Variants in SYTL5 observed in about 807,000 individuals in gnomAD.
SYTL5 encodes the protein synaptotagmin-like protein 5.
A neutral mutation model predicts 55.9 loss-of-function variants in SYTL5; 34 were observed. The ratio of observed to expected loss-of-function variants is 0.61; its 90% CI spans 0.46 to 0.81. The LOEUF (loss-of-function observed/expected upper bound fraction) is 0.81. Ranked by LOEUF, SYTL5 falls within the 30% of genes least tolerant of loss-of-function variation. SYTL5 has a pLI of 0.00. For missense variants in SYTL5, 637 were observed against 546.7 expected (o/e 1.17, Z -1.65); for synonymous variants, 221 against 188.7 (o/e 1.17, Z -1.40).
At chrX:38,072,360 A>G (rs368428346) in intron 4 of SYTL5, among the ~76,000 whole-genome samples, 198 bp downstream of exon 4, 10 of 112,101 alleles carry the variant, frequency 8.9e-5, no homozygotes, top group African/African-American at 2.9e-4. Context: ...AAAATTCACA[A>G]TGATTTTCCA....
intron 12 of SYTL5, among the ~76,000 whole-genome samples, chrX:38,109,165 A>C (rs1340321882): frequency 1.8e-5 from 2 of 112,434 alleles, no homozygotes; most frequent in Non-Finnish European, 3.8e-5. Flanking sequence ...GTTAATGAAT[A>C]GTGGAAATGC....
At chrX:38,093,340 C>T (rs1481296843) in intron 7 of SYTL5, among the ~76,000 whole-genome samples, 3 of 111,934 alleles carry the variant, frequency 2.7e-5, no homozygotes, top group African/African-American at 9.8e-5. Flanking sequence ...TTTCAAAAGG[C>T]ACTTTTTGAT....
intron 15 of SYTL5, 71 bp from the exon 16 acceptor site, chrX:38,125,227 C>T (rs1448866394): frequency 6.4e-6 from 6 of 934,434 alleles, no homozygotes; most frequent in Non-Finnish European, 7.5e-6. Flanking sequence ...ATAGACACAT[C>T]ACACTTGTGT....
chrX:37,997,291 G>A, the SYTL5 span, among the ~76,000 whole-genome samples: 230 of 112,281 alleles, frequency 2.0e-3, 1 homozygote, highest in African/African-American at 7.2e-3. Context: ...TGGTGTGGCA[G>A]TAGCTCCCCG....
chrX:38,022,805 G>T (rs898722808), intron 1 of SYTL5, among the ~76,000 whole-genome samples: 48 of 112,240 alleles, frequency 4.3e-4, no homozygotes, highest in Non-Finnish European at 5.8e-4. Context: ...TAAACTAGGA[G>T]TCAGCCATTT....
the SYTL5 span, among the ~76,000 whole-genome samples, chrX:37,895,504 CTT>C: frequency 0.024 from 1,097 of 44,826 alleles, 30 homozygotes; most frequent in African/African-American, 0.18. Flanking sequence ...TTCTTTCTTT[CTT>C]TTTCTTTTCT....
the SYTL5 span, among the ~76,000 whole-genome samples, chrX:37,931,514 C>T: frequency 3.6e-5 from 4 of 111,670 alleles, no homozygotes; most frequent in Admixed American, 3.8e-4. Context: ...TATCACTTTA[C>T]CTTCTCTTCT....
chrX:38,063,355 T>C (rs1164604455), intron 3 of SYTL5, among the ~76,000 whole-genome samples: 1 of 111,940 alleles, frequency 8.9e-6, no homozygotes, highest in Non-Finnish European at 1.9e-5. Flanking sequence ...AACTATCAAT[T>C]ATATACAAGT....
At chrX:37,968,012 C>G in the SYTL5 span, among the ~76,000 whole-genome samples, 1 of 109,195 alleles carries the variant, frequency 9.2e-6, no homozygotes, top group Admixed American at 1.0e-4. Context: ...TTTGGTACTT[C>G]TTATATTTTC....
intron 10 of SYTL5, among the ~76,000 whole-genome samples, chrX:38,104,887 A>G (rs1027088041): frequency 1.8e-5 from 2 of 111,865 alleles, no homozygotes; most frequent in Admixed American, 9.5e-5. Flanking sequence ...CATTCCACCT[A>G]CCCCAGTGGA....
intron 3 of SYTL5, among the ~76,000 whole-genome samples, chrX:38,069,011 AT>A (rs1440768992): frequency 1.8e-5 from 2 of 111,483 alleles, no homozygotes; most frequent in African/African-American, 3.3e-5. Context: ...TTTTATTTTG[AT>A]TTTTTTCAAC....
intron 2 of SYTL5, among the ~76,000 whole-genome samples, chrX:38,045,638 A>C (rs759004256): frequency 8.9e-6 from 1 of 112,185 alleles, no homozygotes; most frequent in Admixed American, 9.5e-5. Context: ...TGAAATTGGC[A>C]CAAGTCACAA....
intron 1 of SYTL5, among the ~76,000 whole-genome samples, chrX:38,030,281 G>A (rs940167782): frequency 7.2e-5 from 8 of 111,421 alleles, no homozygotes; most frequent in South Asian, 3.8e-4. Flanking sequence ...AGTGAAAAAC[G>A]TTGGATAATG....
intron 2 of SYTL5, among the ~76,000 whole-genome samples, chrX:38,049,337 C>T (rs1244059054): frequency 2.7e-5 from 3 of 111,605 alleles, no homozygotes; most frequent in African/African-American, 9.8e-5. Context: ...ATAGGTTTGG[C>T]TGCGGGTGAC....
chrX:38,122,891 C>A (rs1937587306), intron 15 of SYTL5, among the ~76,000 whole-genome samples: 1 of 112,455 alleles, frequency 8.9e-6, no homozygotes, highest in Non-Finnish European at 1.9e-5. Context: ...TTCAAACAAA[C>A]ACAAAATGCA....
At chrX:37,997,248 T>A in the SYTL5 span, among the ~76,000 whole-genome samples, 5 of 112,088 alleles carry the variant, frequency 4.5e-5, no homozygotes, top group East Asian at 1.4e-3. Context: ...TGGTGGGAGC[T>A]GGGGACAAGT....
rs193271967 is a variant in SYTL5 at position 38,126,808 on chromosome X, G to A, written c.*78G>A. On this transcript the variant is annotated 3_prime_UTR_variant, in exon 17 of 17. Coordinates refer to ENST00000297875, the MANE Select transcript of SYTL5 (RefSeq NM_138780.3). ...CCTACCATTAGCAAACTGAGACCTG[G>A]GATTCTGCTTCCCTGCCATTTCTCA... 394 of 1,014,588 alleles carry A rather than the reference G, an allele frequency of 3.9e-4. 4 individuals carry two copies. The East Asian group carries it at 0.013, about 32-fold the overall frequency. The allele number at this position is 1,014,588 out of a possible 1,213,427, so 83.6% of individuals were successfully genotyped here. A position where few individuals can be genotyped will look rare whatever the true frequency, so the allele number is the denominator to read the frequency against.
the SYTL5 span, among the ~76,000 whole-genome samples, chrX:37,911,877 C>T: frequency 1.5e-4 from 17 of 111,595 alleles, no homozygotes; most frequent in Non-Finnish European, 5.7e-5. Flanking sequence ...TAATTTAAAG[C>T]ATTTTATGTT....
At chrX:37,990,796 A>G in the SYTL5 span, 2 of 1,150,495 alleles carry the variant, frequency 1.7e-6, no homozygotes, top group Non-Finnish European at 2.3e-6. Context: ...TACTTGAGCT[A>G]GAGAATCAAG....
Sources: allele counts gnomAD v4.1 joint callset (sites outside exome capture counted in the v4.1 genomes callset), GRCh38; gene constraint gnomAD v4.1.1; transcripts MANE v1.5; gene names NCBI Gene and HGNC (gene_info 2026-07-23, HGNC 2026-07-21).